Variants in TYW1B observed in about 807,000 individuals in gnomAD.
TYW1B encodes the protein S-adenosyl-L-methionine-dependent tRNA 4-demethylwyosine synthase TYW1B.
TYW1B carries 73 observed loss-of-function variants against 86.9 expected under a neutral mutation model. The ratio of observed to expected loss-of-function variants is 0.84; its 90% CI spans 0.70 to 1.02. The LOEUF (loss-of-function observed/expected upper bound fraction) is 1.02, where lower values mean the gene tolerates loss of function less well. Among genes scored for constraint, TYW1B ranks in the 50% least tolerant of loss-of-function variants. The pLI is 0.00. For synonymous variants in TYW1B, 248 were observed against 292.8 expected (o/e 0.85, Z 1.56); for missense variants, 637 against 827.4 (o/e 0.77, Z 2.82).
Position 72,744,560 on chromosome 7 carries a change from G to C in TYW1B, c.1006C>G (p.Leu336Val). 1 of 1,613,036 alleles carries C rather than the reference G, an allele frequency of 6.2e-7. No individual in the cohort carries two copies. Among genetic ancestry groups the C allele is most frequent in the Non-Finnish European group, 8.5e-7 (1 of 1,179,250 alleles). ...ATGCAGCGATGGCTCTCATTCCATA[G>C]AATGTGTGTTTGTAACAAGCTCCTC... is the stretch of plus-strand genomic sequence containing the variant. ...RERSLLQTHI[L>V]WNESHRCMET... The change falls in exon 8 of 14, where the codon CTA becomes GTA. Residue 336 changes from leucine to valine, a missense_variant. By Grantham distance (32) the Leu-to-Val change is conservative. Coordinates refer to ENST00000620995, the MANE Select transcript of TYW1B (RefSeq NM_001145440.3).
At chr7:72,632,393 T>TACGC (rs1563038727) in intron 11 of TYW1B, among the ~76,000 whole-genome samples, 16 of 102,604 alleles carry the variant, frequency 1.6e-4, no homozygotes, top group South Asian at 4.9e-4. Flanking sequence ...TATACGTATA[T>TACGC]ATATATAATA....
At chr7:72,801,704 C>T (rs6460034) in intron 6 of TYW1B, among the ~76,000 whole-genome samples, 104,323 of 151,982 alleles carry the variant, frequency 0.69, 36,724 homozygotes, top group Non-Finnish European at 0.77. Context: ...CCTACTGCAT[C>T]GTACATTCTC....
chr7:72,655,918 C>T (rs1563047971), intron 11 of TYW1B, among the ~76,000 whole-genome samples: 2 of 152,206 alleles, frequency 1.3e-5, no homozygotes, highest in Non-Finnish European at 2.9e-5. Context: ...GCCACTACTG[C>T]TAGAGCCAGC....
chr7:72,637,975 T>C (rs1812712847), intron 11 of TYW1B, among the ~76,000 whole-genome samples: 1 of 151,940 alleles, frequency 6.6e-6, no homozygotes, highest in Non-Finnish European at 1.5e-5. Flanking sequence ...TCTCTTTATC[T>C]CTGCCTGCTT....
chr7:72,725,299 A>G (rs566458135), intron 9 of TYW1B, among the ~76,000 whole-genome samples: 2 of 152,316 alleles, frequency 1.3e-5, no homozygotes, highest in Admixed American at 1.3e-4. Flanking sequence ...GAAGGTGTCT[A>G]TTCTTCAGGG....
chr7:72,807,132 T>C lies in TYW1B; in HGVS notation c.657A>G (p.Gln219=), dbSNP rs782789313. The C allele has an allele frequency of 1.5e-5, 24 of 1,614,162 alleles. No homozygotes were observed. The highest frequency in any genetic ancestry group is 1.9e-5 in the Non-Finnish European group (23 of 1,180,028). ...HCKKGKCESH[Q]HGSEEREEGS... is the part of the protein sequence containing the mutation. ...CTTCCTCCCTCTCCTCTGAGCCATG[T>C]TGGTGAGATTCACATTTGCCTTTCT... Residue 219 remains glutamine, a synonymous_variant, in exon 5 of 14, where the codon CAA becomes CAG. Coordinates refer to ENST00000620995, the MANE Select transcript of TYW1B (RefSeq NM_001145440.3).
chr7:72,820,653 C>T (rs1293979819), intron 2 of TYW1B, among the ~76,000 whole-genome samples: 1 of 152,066 alleles, frequency 6.6e-6, no homozygotes, highest in African/African-American at 2.4e-5. Context: ...TTCTTACCAA[C>T]AAGCTCTCTT....
At chr7:72,722,707 T>G (rs1196776570) in intron 9 of TYW1B, among the ~76,000 whole-genome samples, 10 of 152,288 alleles carry the variant, frequency 6.6e-5, no homozygotes, top group Admixed American at 2.6e-4. Flanking sequence ...GACTGGCCAC[T>G]TAGCTCCAGT....
intron 11 of TYW1B, among the ~76,000 whole-genome samples, chr7:72,640,011 C>T (rs1264837372): frequency 2.6e-5 from 4 of 151,990 alleles, no homozygotes; most frequent in South Asian, 2.1e-4. Context: ...ATGATATAAA[C>T]GTTAATTTAC....
In TYW1B at chr7:72,728,815, T is replaced by C; in HGVS notation, c.1192+7A>G. The C allele has an allele frequency of 1.2e-6, 2 of 1,610,958 alleles. No individual in the cohort carries two copies. Among genetic ancestry groups the C allele is most frequent in the Non-Finnish European group, 1.7e-6 (2 of 1,178,430 alleles). On this transcript the variant is annotated splice_region_variant and intron_variant, in intron 9 of 13. Transcript: ENST00000620995. ...TTAGCATTCCTCTGTAGAGGGAAGA[T>C]AAATACCTTTAAACTGCTTAATCAT...
intron 11 of TYW1B, among the ~76,000 whole-genome samples, chr7:72,652,904 A>T (rs1410077295): frequency 1.3e-5 from 2 of 152,224 alleles, no homozygotes; most frequent in Non-Finnish European, 2.9e-5. Flanking sequence ...GAATTTAAGT[A>T]AATGATCCGA....
intron 7 of TYW1B, among the ~76,000 whole-genome samples, chr7:72,747,728 G>C (rs564882503): frequency 6.6e-6 from 1 of 152,268 alleles, no homozygotes; most frequent in Admixed American, 6.5e-5. Context: ...TGGTATTTTT[G>C]TAAGAACTGC....
At chr7:72,696,500 T>C (rs1388668000) in intron 10 of TYW1B, among the ~76,000 whole-genome samples, 7 of 152,210 alleles carry the variant, frequency 4.6e-5, no homozygotes, top group African/African-American at 9.7e-5. Context: ...TTCCATACAA[T>C]TCACCACTTT....
chr7:72,819,264 C>T lies in TYW1B; in HGVS notation c.136-3783G>A, dbSNP rs782058852. Among the ~76,000 whole-genome samples the T allele has an allele frequency of 5.9e-5, 9 of 152,144 alleles. No homozygotes were observed. The South Asian group carries it at 1.0e-3, about 18-fold the overall frequency. ...ATTGACTCTTGAATGAAGGGGTCAG[C>T]GCAGGGTTTTAAGCAGAGGGATGAC... On this transcript the variant is annotated intron_variant, in intron 2 of 13. Coordinates refer to ENST00000620995, the MANE Select transcript of TYW1B (RefSeq NM_001145440.3).
rs1162467178 is a variant in TYW1B at position 72,580,027 on chromosome 7, C to T, written c.1786-4308G>A. Among the ~76,000 whole-genome samples the T allele has an allele frequency of 2.6e-5, 4 of 152,166 alleles. No individual in the cohort carries two copies. The East Asian group carries it at 7.7e-4, about 29-fold the overall frequency. ...CTATAACCTCATTTAATCCCAGTTG[C>T]TTCCTTTGAAACCCCATCTCCAAAT... On this transcript the variant is annotated intron_variant, in intron 13 of 13. Transcript: ENST00000620995.
chr7:72,611,070 G>T (rs1304799876), intron 13 of TYW1B, among the ~76,000 whole-genome samples: 1 of 152,030 alleles, frequency 6.6e-6, no homozygotes, highest in South Asian at 2.1e-4. Flanking sequence ...ATGTCTCCGT[G>T]CTTCTCCTTT....
intron 8 of TYW1B, among the ~76,000 whole-genome samples, chr7:72,738,386 TCA>T (rs1283521394): frequency 6.6e-6 from 1 of 152,048 alleles, no homozygotes; most frequent in African/African-American, 2.4e-5. Context: ...CCCGGCCTGG[TCA>T]CATTCTGTTT....
chr7:72,684,373 A>G (rs2129570021), intron 11 of TYW1B, among the ~76,000 whole-genome samples: 1 of 152,292 alleles, frequency 6.6e-6, no homozygotes, highest in Admixed American at 6.5e-5. Flanking sequence ...GGAAAGAATG[A>G]TTTCAACTTC....
In TYW1B at chr7:72,777,510, C is replaced by T. The variant is rs782399153; in HGVS notation, c.870G>A (p.Glu290=). 1 of 1,613,850 alleles carries T rather than the reference C, an allele frequency of 6.2e-7. No homozygotes were observed. Among genetic ancestry groups the T allele is most frequent in the Non-Finnish European group, 8.5e-7 (1 of 1,179,978 alleles). The change falls in exon 7 of 14, where the codon GAG becomes GAA. Residue 290 remains glutamate, a synonymous_variant. Transcript: ENST00000620995. ...CCATGTTCCTGAACAAACCAGACTT[C>T]TCTTCCTGCTGTTCCTTTTCTCTCT... is the stretch of plus-strand genomic sequence containing the variant. ...KEKREKEQQE[E]KSGLFRNMGR... is the part of the protein sequence containing the mutation.
Sources: allele counts gnomAD v4.1 joint callset (sites outside exome capture counted in the v4.1 genomes callset), GRCh38; gene constraint gnomAD v4.1.1; transcripts MANE v1.5; gene names NCBI Gene and HGNC (gene_info 2026-07-23, HGNC 2026-07-21).